Variants in SEZ6 observed in about 807,000 individuals in gnomAD.
SEZ6 encodes seizure related 6 homolog, also known as seizure protein 6 homolog.
In SEZ6, 53 loss-of-function variants were observed where a neutral mutation model predicts 101.0. The observed-to-expected ratio is 0.52, with a 90% CI of 0.42 to 0.66. The LOEUF (loss-of-function observed/expected upper bound fraction) is 0.66. SEZ6 is among the 30% of genes least tolerant of loss of function. The pLI, the probability that SEZ6 is intolerant of heterozygous loss-of-function variation, is 0.00. For missense variants in SEZ6, 1,102 were observed against 1,289.4 expected (o/e 0.85, Z 2.23); for synonymous variants, 488 against 512.2 (o/e 0.95, Z 0.64).
chr17:28,984,404 T>C (rs187965060), intron 1 of SEZ6, among the ~76,000 whole-genome samples: 352 of 152,240 alleles, frequency 2.3e-3, no homozygotes, highest in African/African-American at 8.0e-3. Context: ...CTTTCCAGAG[T>C]ACCCAACAAG....
intron 7 of SEZ6, 147 bp from the exon 8 acceptor site, chr17:28,960,039 G>A: frequency 1.1e-6 from 1 of 897,780 alleles, no homozygotes; most frequent in Non-Finnish European, 1.7e-6. Flanking sequence ...GGAATGTGAT[G>A]GAGGAGGGAC....
chr17:28,989,397 A>G (rs116090918), intron 1 of SEZ6, among the ~76,000 whole-genome samples: 2,470 of 152,314 alleles, frequency 0.016, 58 homozygotes, highest in African/African-American at 0.056. Flanking sequence ...AGATGAGGAC[A>G]CTGAGACCCA....
chr17:28,969,978 G>A lies in SEZ6; in HGVS notation c.859-26C>T, dbSNP rs372457620. 1.7e-5 allele frequency: 25 copies of A among 1,513,200 alleles called. No individual in the cohort carries two copies. In the African/African-American group the frequency reaches 3.2e-4, roughly 20 times the overall value. The allele number at this position is 1,513,200 out of a possible 1,614,324, so 93.7% of individuals were successfully genotyped here. A position where few individuals can be genotyped will look rare whatever the true frequency, so the allele number is the denominator to read the frequency against. ...CTGTCAGTAGAGTAGAGAGAGAAAA[G>A]CAAAGTAGTCAGACTTCTTCCTGCT... On this transcript the variant is annotated intron_variant, in intron 3 of 16. Transcript: ENST00000317338.
chr17:28,970,905 G>A (rs761570541), intron 3 of SEZ6, among the ~76,000 whole-genome samples: 11 of 152,116 alleles, frequency 7.2e-5, no homozygotes, highest in Non-Finnish European at 1.3e-4. Context: ...ATGCCCCTCC[G>A]CATGTCAATC....
At chr17:28,966,541 T>C (rs1598186344) in intron 4 of SEZ6, among the ~76,000 whole-genome samples, 1 of 151,896 alleles carries the variant, frequency 6.6e-6, no homozygotes, top group East Asian at 1.9e-4. Context: ...CCTGGAGGGG[T>C]CAAGGAGAGG....
intron 1 of SEZ6, among the ~76,000 whole-genome samples, chr17:28,987,754 T>C (rs1414596056): frequency 6.6e-6 from 1 of 152,146 alleles, no homozygotes; most frequent in African/African-American, 2.4e-5. Flanking sequence ...ACGTAATTTC[T>C]CATTCTCCCC....
chr17:28,964,171 CTG>C (rs762852091), intron 4 of SEZ6, 24 bp from the exon 5 acceptor site: 26 of 1,337,360 alleles, frequency 1.9e-5, no homozygotes, highest in Non-Finnish European at 2.3e-5. Context: ...ACGGGTGACA[CTG>C]TGTATGTGTG....
chr17:28,960,136 A>C, intron 7 of SEZ6: 1 of 591,226 alleles, frequency 1.7e-6, no homozygotes, highest in Non-Finnish European at 3.0e-6. Flanking sequence ...CTTAGTACAC[A>C]GAAGGTACTC....
In SEZ6 at chr17:28,960,747, C is replaced by A. The variant is rs1017959499; in HGVS notation, c.1409+58G>T. On this transcript the variant is annotated intron_variant, in intron 6 of 16. Transcript: ENST00000317338. ...GTGTGGCCCCAGGCTTGGGTAGCGT[C>A]CCTCCAGCAGGGTATTACCAGGCCA... 3.1e-6 allele frequency: 5 copies of A among 1,611,220 alleles called. No individual in the cohort carries two copies. In the African/African-American group the frequency reaches 5.3e-5, roughly 17 times the overall value.
chr17:28,999,680 G>A (rs2041589568), intron 1 of SEZ6, among the ~76,000 whole-genome samples: 2 of 152,196 alleles, frequency 1.3e-5, no homozygotes, highest in African/African-American at 2.4e-5. Context: ...AGGAAGCTGG[G>A]GCAGGGTTGG....
rs751036097 is a variant in SEZ6, at chr17:28,979,668, C to A, written c.858+12G>T. On this transcript the variant is annotated intron_variant, in intron 3 of 16. Transcript: ENST00000317338. The stretch of plus-strand genomic sequence containing the variant: ...GCCCCAGCTTTGCCCTTGCCAGATC[C>A]AGATCACTCACCTTGATTTCCACGC... 1.2e-6 allele frequency: 2 copies of A among 1,613,920 alleles called. No individual in the cohort carries two copies. Among genetic ancestry groups the A allele is most frequent in the Non-Finnish European group, 1.7e-6 (2 of 1,179,834 alleles).
intron 3 of SEZ6, among the ~76,000 whole-genome samples, chr17:28,974,446 T>G (rs960459401): frequency 6.6e-6 from 1 of 152,162 alleles, no homozygotes; most frequent in Non-Finnish European, 1.5e-5. Flanking sequence ...ACACCCGTGC[T>G]CCCTCACAGC....
chr17:28,993,191 G>A (rs1022339824), intron 1 of SEZ6, among the ~76,000 whole-genome samples: 17 of 152,156 alleles, frequency 1.1e-4, no homozygotes, highest in Non-Finnish European at 2.9e-5. Flanking sequence ...CCTCCCAGGA[G>A]TGTGGCCAGG....
At chr17:28,992,235 G>A (rs1436214615) in intron 1 of SEZ6, among the ~76,000 whole-genome samples, 8 of 152,214 alleles carry the variant, frequency 5.3e-5, no homozygotes, top group African/African-American at 1.9e-4. Flanking sequence ...GAGAGGCAAA[G>A]TGAATCCTCC....
chr17:28,979,762 G>A lies in SEZ6; in HGVS notation c.776C>T (p.Thr259Ile). 6.2e-7 allele frequency: 1 copy of A among 1,613,590 alleles called. No homozygotes were observed. Among genetic ancestry groups the A allele is most frequent in the Non-Finnish European group, 8.5e-7 (1 of 1,179,716 alleles). ...SGPEGSLDSPTDLSSPTDVGL... is the reference protein window; with the variant it reads ...SGPEGSLDSPIDLSSPTDVGL... Reference sequence around the variant, plus strand: ...AACATCAGTGGGGGAGCTGAGGTCTGTAGGGGAGTCCAGAGAGCCCTCTGG... The same window carrying A: ...AACATCAGTGGGGGAGCTGAGGTCTATAGGGGAGTCCAGAGAGCCCTCTGG... The change falls in exon 3 of 17, where the codon ACA (threonine) becomes ATA (isoleucine). Residue 259 changes from threonine to isoleucine, a missense_variant. By Grantham distance (89) the Thr-to-Ile change is moderately conservative. This residue lies in a region of SEZ6 where 406 missense variants were observed against 418.6 expected (regional missense o/e 0.97). Coordinates refer to ENST00000317338, the MANE Select transcript of SEZ6 (RefSeq NM_178860.5).
chr17:28,960,351 C>T, intron 7 of SEZ6, 154 bp downstream of exon 7: 2 of 985,448 alleles, frequency 2.0e-6, no homozygotes, highest in Non-Finnish European at 3.0e-6. Flanking sequence ...AAGAGAGGGG[C>T]AGGGAAAGGG....
intron 2 of SEZ6, 149 bp from the exon 3 acceptor site, chr17:28,979,962 G>A: frequency 1.2e-6 from 1 of 861,168 alleles, no homozygotes; most frequent in East Asian, 2.9e-5. Context: ...GTCTCCTGTT[G>A]AAGGAAGGGG....
At chr17:28,975,318 G>A (rs1278228406) in intron 3 of SEZ6, among the ~76,000 whole-genome samples, 1 of 152,218 alleles carries the variant, frequency 6.6e-6, no homozygotes, top group African/African-American at 2.4e-5. Flanking sequence ...CTATAAGGGA[G>A]CTTGCTGACC....
chr17:28,962,383 A>G (rs1018668118), intron 5 of SEZ6, among the ~76,000 whole-genome samples: 3 of 152,146 alleles, frequency 2.0e-5, no homozygotes. Context: ...CTCTGCACTG[A>G]GCTGCTTGCC....
Sources: allele counts gnomAD v4.1 joint callset (sites outside exome capture counted in the v4.1 genomes callset), GRCh38; gene constraint gnomAD v4.1.1; regional missense constraint gnomAD v4.1.1; transcripts MANE v1.5; gene names NCBI Gene and HGNC (gene_info 2026-07-23, HGNC 2026-07-21).